LTF: variants seen among roughly 807,000 people sequenced by gnomAD.
The protein encoded by LTF is lactotransferrin, also known as epididymis luminal protein 110.
A neutral mutation model predicts 87.2 loss-of-function variants in LTF; 91 were observed. The observed-to-expected ratio is 1.04, with a 90% CI of 0.88 to 1.24. LTF has a LOEUF of 1.24. Ranked by LOEUF, LTF falls within the 50% of genes most tolerant of loss-of-function variation. The pLI is 0.00. For synonymous variants in LTF, 378 were observed against 356.1 expected, an observed-to-expected ratio of 1.06 and a Z score of -0.69; for missense variants, 901 against 904.3, an observed-to-expected ratio of 1.00 and a Z score of 0.05.
In LTF at chr3:46,435,960, A is replaced by G; in HGVS notation, c.*235T>C. 6 of 563,280 alleles carry G rather than the reference A, an allele frequency of 1.1e-5. No homozygotes were observed. The South Asian group carries it at 1.2e-4, about 12-fold the overall frequency. 34.9% of individuals were successfully genotyped at this position (563,280 alleles called of 1,614,324 possible). A position where few individuals can be genotyped will look rare whatever the true frequency, so the allele number is the denominator to read the frequency against. ...CAACTGTACAGGTATTTTGTCAGGCATGTGATTTCAGTATAAAATTCTAGA... is the reference window on the plus strand; with the variant it reads ...CAACTGTACAGGTATTTTGTCAGGCGTGTGATTTCAGTATAAAATTCTAGA... On this transcript the variant is annotated 3_prime_UTR_variant, in exon 17 of 17. Transcript: ENST00000231751.
chr3:46,478,123 C>T (rs1380218478), intron 1 of LTF, among the ~76,000 whole-genome samples: 2 of 152,144 alleles, frequency 1.3e-5, no homozygotes, highest in South Asian at 2.1e-4. Context: ...AACTCTTTCA[C>T]TCCTCTCTCT....
chr3:46,449,272 T>C (rs540866529), intron 8 of LTF, among the ~76,000 whole-genome samples: 10 of 152,186 alleles, frequency 6.6e-5, no homozygotes, highest in Non-Finnish European at 1.2e-4. Flanking sequence ...CATTAATCTT[T>C]AGAGTCAGGA....
chr3:46,461,967 G>T (rs1179127972), intron 1 of LTF, among the ~76,000 whole-genome samples: 1 of 152,162 alleles, frequency 6.6e-6, no homozygotes, highest in African/African-American at 2.4e-5. Context: ...CATGGCCCTT[G>T]GGTGGGCAAG....
chr3:46,477,022 G>A (rs963967565), intron 1 of LTF, among the ~76,000 whole-genome samples: 1 of 152,228 alleles, frequency 6.6e-6, no homozygotes, highest in Non-Finnish European at 1.5e-5. Flanking sequence ...TGTTGGTCAT[G>A]TACTTAGGAA....
At chr3:46,457,437 G>T (rs748333794) in intron 2 of LTF, among the ~76,000 whole-genome samples, 3 of 152,134 alleles carry the variant, frequency 2.0e-5, no homozygotes, top group Non-Finnish European at 2.9e-5. Flanking sequence ...GTGACCACTT[G>T]TGTCCTTGGG....
At position 46,459,665 on chromosome 3, in the gene LTF, C is replaced by G. The variant is rs763312524; in HGVS notation, c.198G>C (p.Gln66His). ...CCCGGCATTGACTCACCGCAATGGC[C>G]TGGATACACTGGATGGGGGAGTCTC... Reference protein sequence around the residue: ...IKRDSPIQCIQAIAENRADAV... With the variant: ...IKRDSPIQCIHAIAENRADAV... Residue 66 changes from glutamine (Q) to histidine (H), a missense_variant, in exon 2 of 17, where the codon CAG becomes CAC. Coordinates refer to ENST00000231751, the MANE Select transcript of LTF (RefSeq NM_002343.6). 16 of 1,516,042 alleles carry G rather than the reference C, an allele frequency of 1.1e-5. No individual in the cohort carries two copies. The highest frequency in any genetic ancestry group is 1.3e-5 in the South Asian group (1 of 75,378). The allele number at this position is 1,516,042 out of a possible 1,614,324, so 93.9% of individuals were successfully genotyped here. A position where few individuals can be genotyped will look rare whatever the true frequency, so the allele number is the denominator to read the frequency against.
At chr3:46,443,266 T>G (rs1702566660) in intron 13 of LTF, among the ~76,000 whole-genome samples, 175 bp downstream of exon 13, 1 of 152,206 alleles carries the variant, frequency 6.6e-6, no homozygotes, top group Non-Finnish European at 1.5e-5. Flanking sequence ...GCCTCCACTC[T>G]CTGGGGCGGT....
chr3:46,480,287 T>G lies in LTF; in HGVS notation c.-320+4699A>C, dbSNP rs1703416190. On this transcript the variant is annotated intron_variant, in intron 1 of 19. Coordinates refer to the LTF transcript ENST00000443496. The stretch of plus-strand genomic sequence containing the variant: ...AAATTGCTGTGTCCAGCTCCTGGGG[T>G]TTGTAGAATGCTCTGTATCATGTCC... 2.0e-5 allele frequency among the ~76,000 whole-genome samples: 3 copies of G among 152,262 alleles called. No homozygotes were observed. In the South Asian group the frequency reaches 6.2e-4, roughly 32 times the overall value.
upstream of LTF, among the ~76,000 whole-genome samples, chr3:46,469,069 T>G (rs1174592141): frequency 6.6e-6 from 1 of 152,246 alleles, no homozygotes; most frequent in Admixed American, 6.5e-5. Flanking sequence ...TAATCTTTAA[T>G]ATTTGGATGA....
Position 46,455,919 on chromosome 3 carries a change from T to C in LTF, c.376A>G (p.Asn126Asp). 6 of 1,613,348 alleles carry C rather than the reference T, an allele frequency of 3.7e-6. No individual in the cohort carries two copies. Among genetic ancestry groups the C allele is most frequent in the Non-Finnish European group, 5.1e-6 (6 of 1,179,682 alleles). The change falls in exon 4 of 17, where the codon AAC (asparagine) becomes GAC (aspartate). Residue 126 changes from asparagine (N) to aspartate (D), a missense_variant. Asn to Asp is a conservative substitution (Grantham distance 23, BLOSUM62 1). Transcript: ENST00000231751. ...VVKKGGSFQL[N>D]ELQGLKSCHT... ...CAGGACTTCAGACCTTGCAGTTCGTTCAGCTGAAAGCTGCCGCCCTTCTTC... is the reference window on the plus strand; with the variant it reads ...CAGGACTTCAGACCTTGCAGTTCGTCCAGCTGAAAGCTGCCGCCCTTCTTC...
intron 1 of LTF, among the ~76,000 whole-genome samples, chr3:46,483,390 G>A (rs759423749): frequency 4.6e-5 from 7 of 152,374 alleles, no homozygotes; most frequent in Non-Finnish European, 7.3e-5. Context: ...CCAAATGTCT[G>A]TGAGTGGTAG....
chr3:46,460,493 T>C (rs1202625599), intron 1 of LTF: 2 of 447,848 alleles, frequency 4.5e-6, no homozygotes, highest in Non-Finnish European at 9.0e-6. Flanking sequence ...CAAATACTGG[T>C]TCTTCTTTTG....
chr3:46,451,796 T>C (rs965114861), intron 6 of LTF, among the ~76,000 whole-genome samples: 1 of 152,188 alleles, frequency 6.6e-6, no homozygotes, highest in South Asian at 2.1e-4. Context: ...GGTTTCACCA[T>C]GTTGGCCAGG....
chr3:46,475,947 A>G (rs1047605842), intron 1 of LTF, among the ~76,000 whole-genome samples: 7 of 152,202 alleles, frequency 4.6e-5, no homozygotes, highest in Non-Finnish European at 1.0e-4. Flanking sequence ...ATCATATAAT[A>G]TGTATTCTTT....
chr3:46,449,761 G>GGGAAAAGGAGTGACCGCCACA, intron 8 of LTF, 93 bp downstream of exon 8: 1 of 1,344,796 alleles, frequency 7.4e-7, no homozygotes, highest in Non-Finnish European at 1.0e-6. Context: ...CACAGTGTCT[G>GGGAAAAGGAGTGACCGCCACA]GGAAAAGGAG....
rs1702757465 is a variant in LTF at position 46,449,874 on chromosome 3, G to T, written c.1037C>A (p.Ala346Asp). 4 of 1,614,016 alleles carry T rather than the reference G, an allele frequency of 2.5e-6. No homozygotes were observed. Among genetic ancestry groups the T allele is most frequent in the Admixed American group, 1.7e-5 (1 of 60,000 alleles). The change falls in exon 8 of 17, where the codon GCC becomes GAC. Residue 346 changes from alanine (A) to aspartate (D), a missense_variant. Ala to Asp is a moderately radical substitution (Grantham distance 126). Coordinates refer to ENST00000231751, the MANE Select transcript of LTF (RefSeq NM_002343.6). The stretch of plus-strand genomic sequence containing the variant: ...CTCACTTTTCCTCAAGTTCTGGATG[G>T]CAGTGAAGTAGCCGGAGCCAAGGTA... ...GLYLGSGYFT[A>D]IQNLRKSEEE... is the part of the protein sequence containing the mutation.
intron 9 of LTF, 138 bp from the exon 10 acceptor site, chr3:46,447,536 C>A: frequency 1.5e-6 from 1 of 678,670 alleles, no homozygotes; most frequent in Non-Finnish European, 2.7e-6. Context: ...TCAAACTGAG[C>A]AGCCAGAGGA....
intron 14 of LTF, 139 bp downstream of exon 14, chr3:46,441,277 G>T: frequency 1.6e-6 from 1 of 639,246 alleles, no homozygotes; most frequent in Non-Finnish European, 2.7e-6. Context: ...TGTCTATTGA[G>T]ATAAAGAATT....
intron 2 of LTF, among the ~76,000 whole-genome samples, chr3:46,459,283 T>C (rs1674782668): frequency 6.6e-6 from 1 of 152,230 alleles, no homozygotes; most frequent in Non-Finnish European, 1.5e-5. Flanking sequence ...GACAAGCTTC[T>C]TTCTCACAGG....
Sources: allele counts gnomAD v4.1 joint callset (sites outside exome capture counted in the v4.1 genomes callset), GRCh38; gene constraint gnomAD v4.1.1; transcripts MANE v1.5; gene names NCBI Gene and HGNC (gene_info 2026-07-23, HGNC 2026-07-21).